The following TBC1D5 variants were observed in gnomAD, a reference collection of about 807,000 sequenced individuals.
TBC1D5 encodes the protein TBC1 domain family member 5, also known as TBC1 domain family, member 5.
Under a neutral mutation model 100.3 loss-of-function variants are expected in TBC1D5, and 75 were observed. The observed-to-expected ratio is 0.75, with a 90% confidence interval of 0.62 to 0.91. TBC1D5 has a LOEUF of 0.91. TBC1D5 is among the 40% of genes least tolerant of loss of function. TBC1D5 has a pLI of 0.00. For missense variants in TBC1D5, 910 were observed against 942.4 expected (o/e 0.97, Z 0.45); for synonymous variants, 323 against 325.6 (o/e 0.99, Z 0.09).
At chr3:17,388,132 A>G (rs2093227696) in intron 8 of TBC1D5, among the ~76,000 whole-genome samples, 1 of 152,100 alleles carries the variant, frequency 6.6e-6, no homozygotes, top group Non-Finnish European at 1.5e-5. Context: ...ACTTTAGGGT[A>G]AAAGTCATAT....
At chr3:17,695,220 T>G (rs1293247384) in intron 1 of TBC1D5, among the ~76,000 whole-genome samples, 1 of 152,174 alleles carries the variant, frequency 6.6e-6, no homozygotes, top group Non-Finnish European at 1.5e-5. Flanking sequence ...AACATCATAA[T>G]GACAGGATCA....
rs529068325 is a variant in TBC1D5, at chr3:17,735,251, A to G, written c.-101+4092T>C. ...ACTATTTATCATGAAGAATGAAAGA[A>G]ATCTAGGTGTCTAAGAATGGAGGAC... is the stretch of plus-strand genomic sequence containing the variant. On this transcript the variant is annotated intron_variant, in intron 1 of 21. Transcript: ENST00000253692. 6.6e-5 allele frequency among the ~76,000 whole-genome samples: 10 copies of G among 152,344 alleles called. No homozygotes were observed. In the East Asian group the frequency reaches 1.9e-3, roughly 29 times the overall value.
At position 17,591,233 on chromosome 3, in the gene TBC1D5, C is replaced by CAAAAAAAAAAAAAAAAAAAAAAAAAA. The variant is rs60889092; in HGVS notation, c.-36+32590_-36+32615dup. Among the ~76,000 whole-genome samples, 15 of 18,664 alleles carry CAAAAAAAAAAAAAAAAAAAAAAAAAA rather than the reference C, an allele frequency of 8.0e-4. 5 individuals are homozygous for CAAAAAAAAAAAAAAAAAAAAAAAAAA. Among genetic ancestry groups the CAAAAAAAAAAAAAAAAAAAAAAAAAA allele is most frequent in the East Asian group, 6.0e-3 (3 of 498 alleles). The allele number at this position is 18,664 out of a possible 152,430, so 12.2% of individuals were successfully genotyped here. On this transcript the variant is annotated intron_variant, in intron 2 of 21. Coordinates refer to ENST00000253692, the Ensembl canonical transcript of TBC1D5. Reference sequence around the variant, plus strand: ...ACTGGGCTACAAAGAAAGGATCTGTCAAAAAAAAAAAAAAAAAAAAAAAAA... The same window carrying CAAAAAAAAAAAAAAAAAAAAAAAAAA: ...ACTGGGCTACAAAGAAAGGATCTGTCAAAAAAAAAAAAAAAAAAAAAAAAAAAAAAAAAAAAAAAAAAAAAAAAAAA...
chr3:17,160,971 C>T, exon 22 of TBC1D5: 2 of 1,613,388 alleles, frequency 1.2e-6, no homozygotes, highest in Non-Finnish European at 1.7e-6. Context: ...GGTCAGATGT[C>T]CAGGGGACTC....
intron 2 of TBC1D5, among the ~76,000 whole-genome samples, chr3:17,547,306 T>G (rs1052908324): frequency 1.3e-5 from 2 of 152,160 alleles, no homozygotes; most frequent in African/African-American, 2.4e-5. Context: ...ATGAATCTTC[T>G]CAGTCTCAGA....
chr3:17,221,467 G>T (rs2074278312), intron 17 of TBC1D5, among the ~76,000 whole-genome samples: 3 of 151,966 alleles, frequency 2.0e-5, no homozygotes, highest in Non-Finnish European at 1.5e-5. Context: ...CCCAGTGTGT[G>T]ATGTTCCCCT....
intron 3 of TBC1D5, among the ~76,000 whole-genome samples, chr3:17,447,967 CTTA>C (rs963102566): frequency 4.0e-4 from 61 of 152,202 alleles, no homozygotes; most frequent in African/African-American, 1.3e-3. Context: ...TTATCATTTT[CTTA>C]TTGATTTGTA....
At chr3:17,639,545 C>T (rs1217773998) in intron 1 of TBC1D5, among the ~76,000 whole-genome samples, 3 of 151,698 alleles carry the variant, frequency 2.0e-5, no homozygotes, top group Non-Finnish European at 4.4e-5. Context: ...ATTCCCCATC[C>T]CTCACCAAAG....
At chr3:17,615,912 T>C (rs1255854686) in intron 2 of TBC1D5, among the ~76,000 whole-genome samples, 1 of 152,228 alleles carries the variant, frequency 6.6e-6, no homozygotes, top group African/African-American at 2.4e-5. Flanking sequence ...ATCTTAGTTA[T>C]TTCTTGCCGT....
intron 8 of TBC1D5, among the ~76,000 whole-genome samples, chr3:17,386,108 T>C (rs2093141913): frequency 6.6e-6 from 1 of 152,106 alleles, no homozygotes; most frequent in Non-Finnish European, 1.5e-5. Flanking sequence ...TTGGGAAACT[T>C]AGCCATTAAG....
intron 2 of TBC1D5, among the ~76,000 whole-genome samples, chr3:17,514,024 G>C (rs573059129): frequency 9.9e-5 from 15 of 152,092 alleles, no homozygotes; most frequent in Admixed American, 1.3e-4. Context: ...GGGCAGAAAG[G>C]AGGAAAGAAG....
intron 1 of TBC1D5, among the ~76,000 whole-genome samples, chr3:17,697,511 A>G (rs999291950): frequency 2.0e-5 from 3 of 152,168 alleles, no homozygotes; most frequent in African/African-American, 7.2e-5. Flanking sequence ...CACAATTGCT[A>G]CCAAGAGAAT....
chr3:17,711,008 AT>A lies in TBC1D5; in HGVS notation c.-101+28334del, dbSNP rs540521037. Reference sequence around the variant, plus strand: ...CACCATACACGGTCTGTTTTCATTTATTTAATCCTTAAGAAAACAGTTATTA... The same window carrying A: ...CACCATACACGGTCTGTTTTCATTTATTAATCCTTAAGAAAACAGTTATTA... On this transcript the variant is annotated intron_variant, in intron 1 of 21. Coordinates refer to ENST00000253692, the Ensembl canonical transcript of TBC1D5. Among the ~76,000 whole-genome samples, 545 of 152,290 alleles carry A rather than the reference AT, an allele frequency of 3.6e-3. 3 individuals are homozygous for A. The highest frequency in any genetic ancestry group is 0.012 in the African/African-American group (503 of 41,566).
At chr3:17,335,310 T>C (rs189318364) in intron 13 of TBC1D5, among the ~76,000 whole-genome samples, 3 of 152,224 alleles carry the variant, frequency 2.0e-5, no homozygotes, top group Admixed American at 2.0e-4. Flanking sequence ...ACAGGATACA[T>C]AAATGTGCAG....
Position 17,481,743 on chromosome 3 carries a change from AT to A in TBC1D5, c.97+26730del, listed in dbSNP as rs554492081. Among the ~76,000 whole-genome samples, 154 of 151,418 alleles carry A rather than the reference AT, an allele frequency of 1.0e-3. 2 individuals are homozygous for A. The South Asian group carries it at 0.019, about 18-fold the overall frequency. On this transcript the variant is annotated intron_variant, in intron 3 of 21. Transcript: ENST00000253692. The stretch of plus-strand genomic sequence containing the variant: ...TGTTGCGTTTCTGGCAAATGACTTT[AT>A]TTTTTTTTGAGACGGAGTCTCGCTC...
At chr3:17,309,372 T>C (rs995231012) in intron 13 of TBC1D5, among the ~76,000 whole-genome samples, 1 of 152,044 alleles carries the variant, frequency 6.6e-6, no homozygotes, top group South Asian at 2.1e-4. Context: ...TATTTTCAAC[T>C]ACATCAATTA....
intron 1 of TBC1D5, among the ~76,000 whole-genome samples, chr3:17,709,381 G>A (rs1238955192): frequency 2.0e-5 from 3 of 152,156 alleles, no homozygotes; most frequent in African/African-American, 7.2e-5. Flanking sequence ...GAATCAAGAT[G>A]ATAGACTAAA....
chr3:17,646,428 T>A (rs1208005107), intron 1 of TBC1D5, among the ~76,000 whole-genome samples: 1 of 152,130 alleles, frequency 6.6e-6, no homozygotes, highest in Non-Finnish European at 1.5e-5. Flanking sequence ...TGGACTCAAT[T>A]TTCTACCATC....
At chr3:17,724,783 ATG>A (rs2153973257) in intron 1 of TBC1D5, among the ~76,000 whole-genome samples, 1 of 152,180 alleles carries the variant, frequency 6.6e-6, no homozygotes, top group African/African-American at 2.4e-5. Flanking sequence ...TAATATGTGT[ATG>A]TGTGTGTTTA....
Sources: allele counts gnomAD v4.1 joint callset (sites outside exome capture counted in the v4.1 genomes callset), GRCh38; gene constraint gnomAD v4.1.1; transcripts MANE v1.5; gene names NCBI Gene and HGNC (gene_info 2026-07-23, HGNC 2026-07-21).